SF3B1: variants seen among roughly 807,000 people sequenced by gnomAD.
SF3B1 encodes the protein pre-mRNA processing 10.
SF3B1 carries 12 observed loss-of-function variants against 153.8 expected under a neutral mutation model. That is an observed-to-expected ratio of 0.08 (90% CI 0.05 to 0.13). The LOEUF is 0.13. SF3B1 is among the 10% of genes least tolerant of loss of function. SF3B1 has a pLI of 1.00. For synonymous variants in SF3B1, 498 were observed against 525.2 expected (o/e 0.95, Z 0.71); for missense variants, 513 against 1,606.1 (o/e 0.32, Z 11.63).
At chr2:197,423,033 A>C (rs534111970) in intron 2 of SF3B1, among the ~76,000 whole-genome samples, 1 of 152,340 alleles carries the variant, frequency 6.6e-6, no homozygotes, top group South Asian at 2.1e-4. Context: ...TCAAAATGAA[A>C]GGCAGTCCTC....
chr2:197,428,108 G>A (rs560643623), intron 1 of SF3B1, among the ~76,000 whole-genome samples: 69 of 152,220 alleles, frequency 4.5e-4, no homozygotes, highest in Non-Finnish European at 7.9e-4. Flanking sequence ...GAGTTCACAA[G>A]TTCAAGGCCA....
chr2:197,396,336 A>C lies in SF3B1; in HGVS notation c.3267-8T>G. 6.2e-7 allele frequency: 1 copy of C among 1,603,590 alleles called. No homozygotes were observed. The highest frequency in any genetic ancestry group is 8.5e-7 in the Non-Finnish European group (1 of 1,173,418). ...GCCAATACATCATGAGGGCTGAAAA[A>C]AACAAATGGGTCAACAAGCTGTTAC... On this transcript the variant is annotated splice_polypyrimidine_tract_variant and splice_region_variant and intron_variant, in intron 22 of 24. Transcript: ENST00000335508.
intron 23 of SF3B1, 99 bp downstream of exon 23, chr2:197,395,953 TTAAC>T: frequency 8.8e-6 from 9 of 1,021,212 alleles, no homozygotes; most frequent in Non-Finnish European, 1.3e-5. Flanking sequence ...AATTTTTTCT[TTAAC>T]TATGTTACAG....
chr2:197,414,652 T>C (rs2085120891), intron 6 of SF3B1, among the ~76,000 whole-genome samples: 1 of 152,214 alleles, frequency 6.6e-6, no homozygotes, highest in Non-Finnish European at 1.5e-5. Context: ...AGACTAGAAC[T>C]ACATAAAAAG....
At chr2:197,422,061 G>A (rs1169068032) in intron 2 of SF3B1, among the ~76,000 whole-genome samples, 1 of 152,116 alleles carries the variant, frequency 6.6e-6, no homozygotes, top group Non-Finnish European at 1.5e-5. Context: ...GCAACACGGG[G>A]TAATTCTCCA....
At chr2:197,397,019 T>C (rs2084882717) in intron 22 of SF3B1, among the ~76,000 whole-genome samples, 1 of 152,212 alleles carries the variant, frequency 6.6e-6, no homozygotes, top group African/African-American at 2.4e-5. Flanking sequence ...GAAAACATTT[T>C]CTTAAGCCAC....
intron 23 of SF3B1, among the ~76,000 whole-genome samples, chr2:197,395,328 G>C (rs954159141): frequency 6.6e-6 from 1 of 152,100 alleles, no homozygotes; most frequent in African/African-American, 2.4e-5. Flanking sequence ...GTAACTTGTC[G>C]AGTCCAGTTA....
chr2:197,399,042 C>T (rs1048335739), intron 20 of SF3B1: 66 of 1,299,824 alleles, frequency 5.1e-5, no homozygotes, highest in African/African-American at 7.6e-5. Context: ...TTTACACCTA[C>T]GAAGAGAGAA....
chr2:197,403,100 A>T, intron 12 of SF3B1, 65 bp from the exon 13 acceptor site: 1 of 1,120,002 alleles, frequency 8.9e-7, no homozygotes, highest in Non-Finnish European at 1.3e-6. Context: ...GCTCATGTAC[A>T]GAATTAAACA....
chr2:197,426,109 C>T (rs956020048), intron 1 of SF3B1, among the ~76,000 whole-genome samples: 7 of 151,858 alleles, frequency 4.6e-5, no homozygotes, highest in African/African-American at 1.7e-4. Flanking sequence ...TGTTACACAG[C>T]ACCACTACAT....
chr2:197,408,146 A>G (rs762032716), intron 8 of SF3B1, 27 bp from the exon 9 acceptor site: 122 of 1,572,798 alleles, frequency 7.8e-5, no homozygotes, highest in Non-Finnish European at 1.0e-4. Context: ...ATTTTTATAT[A>G]ATCTATAGTA....
chr2:197,425,138 A>G (rs998783817), intron 1 of SF3B1, among the ~76,000 whole-genome samples: 1 of 151,832 alleles, frequency 6.6e-6, no homozygotes, highest in Non-Finnish European at 1.5e-5. Flanking sequence ...AGCCTGGGCA[A>G]AGAGCAAAAC....
chr2:197,412,725 G>A lies in SF3B1; in HGVS notation c.667-2718C>T, dbSNP rs557667264. 8.2e-4 allele frequency among the ~76,000 whole-genome samples: 123 copies of A among 150,094 alleles called. 1 individual carries two copies. The highest frequency in any genetic ancestry group is 2.8e-3 in the African/African-American group (113 of 41,024). On this transcript the variant is annotated intron_variant, in intron 6 of 24. Coordinates refer to ENST00000335508, the MANE Select transcript of SF3B1 (RefSeq NM_012433.4). Reference sequence around the variant, plus strand: ...TCATGCCAGGCGCAGTGGCTCACACGTGTAATCCCAGCACCTTGGGAGGCC... The same window carrying A: ...TCATGCCAGGCGCAGTGGCTCACACATGTAATCCCAGCACCTTGGGAGGCC...
At chr2:197,392,900 C>G in intron 24 of SF3B1, 72 bp downstream of exon 24, 1 of 883,874 alleles carries the variant, frequency 1.1e-6, no homozygotes, top group Non-Finnish European at 1.8e-6. Flanking sequence ...ACGTTCAGCA[C>G]AAGTATCCCA....
rs2084935266 is a variant in SF3B1 at position 197,401,341 on chromosome 2, T to C, written c.2496+59A>G. Reference sequence around the variant, plus strand: ...AAATAATATACAACATGCATTCAAGTTGACTAAAGAATGAGTTGAAAGGAC... The same window carrying C: ...AAATAATATACAACATGCATTCAAGCTGACTAAAGAATGAGTTGAAAGGAC... On this transcript the variant is annotated intron_variant, in intron 17 of 24. Transcript: ENST00000335508. The surrounding 1 kb of genome is among the most constrained non-coding windows in gnomAD (Gnocchi z 4.2). The C allele has an allele frequency of 1.1e-5, 16 of 1,476,170 alleles. No individual in the cohort carries two copies. The highest frequency in any genetic ancestry group is 4.6e-5 in the East Asian group (2 of 43,556). 91.4% of individuals were successfully genotyped at this position (1,476,170 alleles called of 1,614,324 possible).
chr2:197,431,771 A>G (rs1237019006), intron 1 of SF3B1, among the ~76,000 whole-genome samples: 4 of 152,184 alleles, frequency 2.6e-5, no homozygotes, highest in African/African-American at 7.2e-5. Context: ...AATATAAATC[A>G]TTTTACTGAA....
intron 11 of SF3B1, 184 bp downstream of exon 11, chr2:197,404,892 A>C (rs1264438067): frequency 2.0e-6 from 1 of 494,212 alleles, no homozygotes; most frequent in African/African-American, 2.0e-5. Flanking sequence ...TAAAAATATA[A>C]ACATGGCCAG....
intron 5 of SF3B1, 124 bp downstream of exon 5, chr2:197,418,385 A>G (rs914347646): frequency 1.6e-6 from 1 of 625,406 alleles, no homozygotes; most frequent in Non-Finnish European, 2.6e-6. Flanking sequence ...ATTCTTTCTC[A>G]GTTAATTTTT....
intron 4 of SF3B1, chr2:197,419,312 A>AAAGAGAT (rs1433756196): frequency 3.6e-6 from 1 of 274,950 alleles, no homozygotes; most frequent in African/African-American, 2.2e-5. Context: ...GAGATGTGTC[A>AAAGAGAT]GTCTCTTGGT....
Sources: allele counts gnomAD v4.1 joint callset (sites outside exome capture counted in the v4.1 genomes callset), GRCh38; gene constraint gnomAD v4.1.1; non-coding constraint Gnocchi (gnomAD v3.1); transcripts MANE v1.5; gene names NCBI Gene and HGNC (gene_info 2026-07-23, HGNC 2026-07-21).